KCNIP1: variants seen among roughly 807,000 people sequenced by gnomAD.
KCNIP1 encodes potassium voltage-gated channel interacting protein 1, also known as A-type potassium channel modulatory protein KCNIP1.
KCNIP1 carries 18 observed loss-of-function variants against 33.0 expected under a neutral mutation model. The observed-to-expected ratio is 0.55, with a 90% confidence interval of 0.38 to 0.81. KCNIP1 has a LOEUF of 0.81. Among genes scored for constraint, KCNIP1 ranks in the 30% least tolerant of loss-of-function variants. The probability of loss-of-function intolerance (pLI) is 0.00; values close to 1 mark genes in which losing one functional copy is unlikely to be tolerated. For synonymous variants in KCNIP1, 93 were observed against 98.3 expected (o/e 0.95, Z 0.32); for missense variants, 238 against 271.6 (o/e 0.88, Z 0.87).
At chr5:170,413,669 G>A (rs1755254182) in intron 1 of KCNIP1, among the ~76,000 whole-genome samples, 1 of 152,144 alleles carries the variant, frequency 6.6e-6, no homozygotes, top group Admixed American at 6.5e-5. Context: ...ACATAAATAT[G>A]TAAAAATGGT....
rs1474454402 is a variant in KCNIP1 at position 170,735,987 on chromosome 5, T to G, written c.*181T>G. The G allele has an allele frequency of 1.7e-6, 1 of 578,608 alleles. No individual in the cohort carries two copies. Among genetic ancestry groups the G allele is most frequent in the Non-Finnish European group, 3.1e-6 (1 of 325,726 alleles). The allele number at this position is 578,608 out of a possible 1,614,324, so 35.8% of individuals were successfully genotyped here. On this transcript the variant is annotated 3_prime_UTR_variant, in exon 8 of 8. Transcript: ENST00000328939. Reference sequence around the variant, plus strand: ...ACCCAGCATCATGTGGCTCAGTCTCTGATTGCCAACTCTTCCTCTTTCTTC... The same window carrying G: ...ACCCAGCATCATGTGGCTCAGTCTCGGATTGCCAACTCTTCCTCTTTCTTC...
At chr5:170,402,219 C>T (rs1449006355) in intron 1 of KCNIP1, among the ~76,000 whole-genome samples, 1 of 152,020 alleles carries the variant, frequency 6.6e-6, no homozygotes, top group East Asian at 1.9e-4. Context: ...TACAAAGACT[C>T]TTTTTTTCCT....
intron 1 of KCNIP1, among the ~76,000 whole-genome samples, chr5:170,362,069 G>T (rs1361841777): frequency 6.6e-6 from 1 of 152,210 alleles, no homozygotes; most frequent in African/African-American, 2.4e-5. Context: ...CACTGCTGGT[G>T]GCACCTGCCA....
Position 170,456,430 on chromosome 5 carries a change from A to G in KCNIP1, c.88+102466A>G, listed in dbSNP as rs554915768. On this transcript the variant is annotated intron_variant, in intron 1 of 7. Transcript: ENST00000377360. ...ACCATGGCACATGTATACCTGTGTA[A>G]CAAACCTGCACATTCTGCACATGTA... Among the ~76,000 whole-genome samples the G allele has an allele frequency of 3.3e-5, 5 of 152,238 alleles. No individual in the cohort carries two copies. In the South Asian group the frequency reaches 1.0e-3, roughly 32 times the overall value.
At chr5:170,573,155 G>A (rs1757479621) in intron 1 of KCNIP1, among the ~76,000 whole-genome samples, 2 of 152,208 alleles carry the variant, frequency 1.3e-5, no homozygotes, top group South Asian at 4.1e-4. Flanking sequence ...GCTGGGCAAG[G>A]AACAATTTCT....
intron 1 of KCNIP1, among the ~76,000 whole-genome samples, chr5:170,448,567 A>G (rs897837605): frequency 6.6e-6 from 1 of 152,224 alleles, no homozygotes; most frequent in African/African-American, 2.4e-5. Flanking sequence ...CCTGAGGAAT[A>G]CTGACCACCA....
At chr5:170,467,596 G>A (rs1179898000) in intron 1 of KCNIP1, among the ~76,000 whole-genome samples, 1 of 152,132 alleles carries the variant, frequency 6.6e-6, no homozygotes, top group African/African-American at 2.4e-5. Flanking sequence ...GACCATAGGT[G>A]AGCATCTTCT....
chr5:170,639,965 C>T (rs1561735381), intron 1 of KCNIP1, among the ~76,000 whole-genome samples: 1 of 152,248 alleles, frequency 6.6e-6, no homozygotes, highest in Non-Finnish European at 1.5e-5. Flanking sequence ...AGAACCTGGG[C>T]TCCTTCTGCC....
chr5:170,506,218 G>A (rs913161313), intron 1 of KCNIP1, among the ~76,000 whole-genome samples: 19 of 152,118 alleles, frequency 1.2e-4, no homozygotes, highest in African/African-American at 3.6e-4. Flanking sequence ...GAGTCAAGTG[G>A]AGTCTGGGTG....
At chr5:170,614,694 G>A (rs1163664388) in intron 1 of KCNIP1, among the ~76,000 whole-genome samples, 1 of 152,208 alleles carries the variant, frequency 6.6e-6, no homozygotes, top group Non-Finnish European at 1.5e-5. Flanking sequence ...AGGGAGAGAA[G>A]CAACTCACCA....
intron 1 of KCNIP1, among the ~76,000 whole-genome samples, chr5:170,381,636 G>A (rs1451114755): frequency 6.6e-6 from 1 of 152,208 alleles, no homozygotes; most frequent in Non-Finnish European, 1.5e-5. Flanking sequence ...GGTCAAGCCT[G>A]GGCGGCAGGG....
chr5:170,649,966 A>T (rs1217282076), intron 1 of KCNIP1, among the ~76,000 whole-genome samples: 1 of 152,190 alleles, frequency 6.6e-6, no homozygotes, highest in Non-Finnish European at 1.5e-5. Flanking sequence ...GCCAGGAAAG[A>T]GAGCCAGAAA....
intron 1 of KCNIP1, among the ~76,000 whole-genome samples, chr5:170,364,500 G>A (rs1288000200): frequency 6.6e-6 from 1 of 152,156 alleles, no homozygotes; most frequent in Non-Finnish European, 1.5e-5. Context: ...GTCTCCAGTG[G>A]TTTCTTGACA....
At position 170,522,638 on chromosome 5, in the gene KCNIP1, T is replaced by C. The variant is rs4867974; in HGVS notation, c.61+18005T>C. 0.016 allele frequency among the ~76,000 whole-genome samples: 2,466 copies of C among 152,268 alleles called. 92 individuals are homozygous for C. In the East Asian group the frequency reaches 0.17, roughly 10 times the overall value. The stretch of plus-strand genomic sequence containing the variant: ...AGGTAAATGCCACCTTGTGAGGTCT[T>C]TGGGACACAGCCAGCAGCCTCCCCA... On this transcript the variant is annotated intron_variant, in intron 1 of 7. Transcript: ENST00000328939.
chr5:170,569,822 T>C (rs1046353258), intron 1 of KCNIP1, among the ~76,000 whole-genome samples: 14 of 152,100 alleles, frequency 9.2e-5, no homozygotes, highest in Non-Finnish European at 1.9e-4. Context: ...GCTAGGATTA[T>C]GATTTCCATC....
chr5:170,452,533 A>G (rs116279813), intron 1 of KCNIP1, among the ~76,000 whole-genome samples: 52 of 152,262 alleles, frequency 3.4e-4, no homozygotes, highest in African/African-American at 1.3e-3. Context: ...TGGATGAGGA[A>G]GTTTCATTTA....
intron 1 of KCNIP1, among the ~76,000 whole-genome samples, chr5:170,652,516 A>AGGAC (rs1761085362): frequency 7.4e-6 from 1 of 135,988 alleles, no homozygotes; most frequent in Non-Finnish European, 1.6e-5. Flanking sequence ...GAAGGAAGGA[A>AGGAC]GGAGAAAAGA....
chr5:170,560,246 CTTG>C, intron 1 of KCNIP1, among the ~76,000 whole-genome samples: 1 of 152,194 alleles, frequency 6.6e-6, no homozygotes. Context: ...CGAGAGCATT[CTTG>C]TTGGTTTTCT....
intron 1 of KCNIP1, among the ~76,000 whole-genome samples, chr5:170,461,484 C>T (rs1257217531): frequency 2.0e-5 from 3 of 152,170 alleles, no homozygotes; most frequent in African/African-American, 7.2e-5. Flanking sequence ...GGTGCAGTGG[C>T]TCACACCTGT....
Sources: allele counts gnomAD v4.1 joint callset (sites outside exome capture counted in the v4.1 genomes callset), GRCh38; gene constraint gnomAD v4.1.1; transcripts MANE v1.5; gene names NCBI Gene and HGNC (gene_info 2026-07-23, HGNC 2026-07-21).